The following SYT14 variants were observed in gnomAD, a reference collection of about 807,000 sequenced individuals.
The protein encoded by SYT14 is synaptotagmin 14.
A neutral mutation model predicts 74.2 loss-of-function variants in SYT14; 32 were observed. The ratio of observed to expected loss-of-function variants is 0.43; its 90% CI spans 0.33 to 0.58. The LOEUF (loss-of-function observed/expected upper bound fraction) is 0.58. Among genes scored for constraint, SYT14 ranks in the 20% least tolerant of loss-of-function variants. SYT14 has a pLI of 0.05. For missense variants in SYT14, 791 were observed against 981.8 expected, an observed-to-expected ratio of 0.81 and a Z score of 2.60; for synonymous variants, 298 against 337.7, an observed-to-expected ratio of 0.88 and a Z score of 1.29.
At chr1:209,985,453 C>T (rs1025213816) in intron 2 of SYT14, among the ~76,000 whole-genome samples, 1 of 152,236 alleles carries the variant, frequency 6.6e-6, no homozygotes, top group Non-Finnish European at 1.5e-5. Flanking sequence ...CCACTCTGCC[C>T]CTGTGGCTTT....
At chr1:210,069,190 T>A (rs2081348970) in intron 5 of SYT14, among the ~76,000 whole-genome samples, 1 of 151,882 alleles carries the variant, frequency 6.6e-6, no homozygotes, top group Non-Finnish European at 1.5e-5. Flanking sequence ...CTGGTGTATT[T>A]GTGTATGTGT....
rs925075682 is a variant in SYT14, at chr1:210,068,160, T to A, written c.1313-26162T>A. Among the ~76,000 whole-genome samples, 4 of 151,894 alleles carry A rather than the reference T, an allele frequency of 2.6e-5. 1 individual carries two copies. The highest frequency in any genetic ancestry group is 2.6e-4 in the Admixed American group (4 of 15,230). On this transcript the variant is annotated intron_variant, in intron 5 of 9. Coordinates refer to ENST00000637265, the Ensembl canonical transcript of SYT14. The stretch of plus-strand genomic sequence containing the variant: ...TGATAATCATTAATTGATGTTTAAT[T>A]TTATTATTTTCTCTTTCTAATCTTT...
intron 5 of SYT14, among the ~76,000 whole-genome samples, chr1:210,077,377 T>C (rs758220641): frequency 7.9e-5 from 12 of 152,104 alleles, no homozygotes; most frequent in Non-Finnish European, 1.3e-4. Context: ...ACCTCCAACA[T>C]TGGGGATTAT....
At chr1:210,132,975 T>C (rs1284115551) in intron 7 of SYT14, among the ~76,000 whole-genome samples, 1 of 152,240 alleles carries the variant, frequency 6.6e-6, no homozygotes, top group Non-Finnish European at 1.5e-5. Flanking sequence ...GGAGCTTTTG[T>C]AAATCTGTAC....
In SYT14 at chr1:210,101,750, C is replaced by CT. The variant is rs564062017; in HGVS notation, c.2034+1290dup. ...TAATCTACAGTTATTAATATGATTT[C>CT]TAAACTTCTTCATTATTTGGTCTGA... On this transcript the variant is annotated intron_variant, in intron 7 of 9. Coordinates refer to ENST00000637265, the Ensembl canonical transcript of SYT14. 6.6e-4 allele frequency among the ~76,000 whole-genome samples: 100 copies of CT among 151,948 alleles called. 2 individuals carry two copies. In the South Asian group the frequency reaches 0.02, roughly 31 times the overall value.
rs180981055 is a variant in SYT14, at chr1:209,969,872, G to A, written c.-486+17116G>A. Among the ~76,000 whole-genome samples, 4 of 152,206 alleles carry A rather than the reference G, an allele frequency of 2.6e-5. No homozygotes were observed. In the East Asian group the frequency reaches 7.7e-4, roughly 29 times the overall value. ...CTGCTTGTATGTCTTCTTTTGAGAAGTGTCTGTTTATGTCTTTGCTCACTT... is the reference window on the plus strand; with the variant it reads ...CTGCTTGTATGTCTTCTTTTGAGAAATGTCTGTTTATGTCTTTGCTCACTT... On this transcript the variant is annotated intron_variant, in intron 2 of 9. Coordinates refer to ENST00000637265, the Ensembl canonical transcript of SYT14.
chr1:209,941,013 A>G (rs920184410), intron 1 of SYT14, among the ~76,000 whole-genome samples: 3 of 152,070 alleles, frequency 2.0e-5, no homozygotes, highest in African/African-American at 7.2e-5. Flanking sequence ...TAGCTTGACT[A>G]CTCCCTTGCT....
At chr1:210,054,117 AATT>A (rs1256670472) in intron 5 of SYT14, among the ~76,000 whole-genome samples, 1 of 151,978 alleles carries the variant, frequency 6.6e-6, no homozygotes, top group Non-Finnish European at 1.5e-5. Context: ...TGCAAGTTTT[AATT>A]ATTATTCTTC....
chr1:210,090,695 C>G (rs2081849137), intron 5 of SYT14, among the ~76,000 whole-genome samples: 1 of 152,020 alleles, frequency 6.6e-6, no homozygotes, highest in Non-Finnish European at 1.5e-5. Flanking sequence ...GATAGTTCCA[C>G]TAGAAATTTC....
chr1:210,118,621 C>CACCT (rs1197722268), intron 7 of SYT14, among the ~76,000 whole-genome samples: 1 of 152,048 alleles, frequency 6.6e-6, no homozygotes, highest in Non-Finnish European at 1.5e-5. Context: ...GGATTACAGG[C>CACCT]ACCTGCCACC....
At chr1:210,160,703 T>C (rs2083355417) in intron 9 of SYT14, 26 bp from the exon 9 acceptor site, 1 of 1,600,104 alleles carries the variant, frequency 6.2e-7, no homozygotes, top group African/African-American at 1.3e-5. Flanking sequence ...ATGATATTTG[T>C]GATACGTTGT....
chr1:210,013,645 C>T, exon 3 of SYT14: 1 of 1,612,850 alleles, frequency 6.2e-7, no homozygotes, highest in Non-Finnish European at 8.5e-7. Context: ...TCTCCAGAGG[C>T]AGTTGGATTT....
intron 5 of SYT14, among the ~76,000 whole-genome samples, chr1:210,076,366 C>T (rs1226220688): frequency 6.6e-6 from 1 of 152,136 alleles, no homozygotes; most frequent in Non-Finnish European, 1.5e-5. Context: ...TTACAACCAT[C>T]ACAATAATTT....
chr1:210,155,740 G>C, exon 8 of SYT14: 1 of 1,614,002 alleles, frequency 6.2e-7, no homozygotes, highest in South Asian at 1.1e-5. Context: ...TCCCAAATGA[G>C]CGTGTCAGAA....
chr1:209,964,882 G>C (rs1219581187), intron 2 of SYT14, among the ~76,000 whole-genome samples: 1 of 152,300 alleles, frequency 6.6e-6, no homozygotes, highest in Non-Finnish European at 1.5e-5. Flanking sequence ...TATACAAACA[G>C]TCTAGGCACA....
chr1:210,153,431 T>C (rs2083207413), intron 7 of SYT14, among the ~76,000 whole-genome samples: 1 of 152,240 alleles, frequency 6.6e-6, no homozygotes, highest in Admixed American at 6.5e-5. Flanking sequence ...AGTAACAGTT[T>C]ATATAGTACT....
chr1:210,101,946 T>G (rs1235762722), intron 7 of SYT14, among the ~76,000 whole-genome samples: 1 of 152,220 alleles, frequency 6.6e-6, no homozygotes, highest in Non-Finnish European at 1.5e-5. Context: ...TAATACTGTC[T>G]TATCTCTGTT....
intron 2 of SYT14, among the ~76,000 whole-genome samples, chr1:209,955,325 C>T (rs2078976495): frequency 1.3e-5 from 2 of 152,138 alleles, no homozygotes; most frequent in Middle Eastern, 3.2e-3. Context: ...TGAGCCTATA[C>T]CTTCCTCAGT....
At chr1:210,123,753 G>T (rs2082513020) in intron 7 of SYT14, among the ~76,000 whole-genome samples, 1 of 152,118 alleles carries the variant, frequency 6.6e-6, no homozygotes, top group Admixed American at 6.5e-5. Context: ...GGCAATCATG[G>T]CTGAGGAGAC....
Sources: gnomAD v4.1 joint callset for allele counts (sites outside exome capture counted in the v4.1 genomes callset) on GRCh38, gnomAD v4.1.1 for gene constraint, MANE v1.5 for transcripts, NCBI Gene and HGNC (gene_info 2026-07-23, HGNC 2026-07-21) for gene names.